The following TAFA2 variants were observed in gnomAD, a reference collection of about 807,000 sequenced individuals.
TAFA2 encodes the protein chemokine-like protein TAFA-2.
A neutral mutation model predicts 18.8 loss-of-function variants in TAFA2; 7 were observed. The ratio of observed to expected loss-of-function variants is 0.37; its 90% confidence interval spans 0.21 to 0.70. The LOEUF (loss-of-function observed/expected upper bound fraction) is 0.70, where lower values mean the gene tolerates loss of function less well. Among genes scored for constraint, TAFA2 ranks in the 30% least tolerant of loss-of-function variants. TAFA2 has a pLI of 0.53. For synonymous variants in TAFA2, 60 were observed against 54.2 expected, an observed-to-expected ratio of 1.11 and a Z score of -0.47; for missense variants, 122 against 158.1, an observed-to-expected ratio of 0.77 and a Z score of 1.23.
rs373276899 is a variant in TAFA2 at position 61,710,461 on chromosome 12, C to T, written c.385-44G>A. The T allele has an allele frequency of 3.7e-5, 56 of 1,506,186 alleles. No homozygotes were observed. The Admixed American group carries it at 4.6e-4, about 12-fold the overall frequency. The allele number at this position is 1,506,186 out of a possible 1,614,324, so 93.3% of individuals were successfully genotyped here. ...ATATAGTCAACATTTCATAACATAC[C>T]GATAATCTTAAAACTAAACACAATT... On this transcript the variant is annotated intron_variant, in intron 4 of 4. Coordinates refer to ENST00000416284, the MANE Select transcript of TAFA2 (RefSeq NM_178539.5).
intron 2 of TAFA2, among the ~76,000 whole-genome samples, chr12:61,859,483 G>A (rs535468127): frequency 1.3e-5 from 2 of 148,356 alleles, no homozygotes; most frequent in Admixed American, 6.8e-5. Context: ...TCGCTCTGTC[G>A]CCCAGGCTGG....
At chr12:62,080,342 T>C (rs1401747615) in intron 1 of TAFA2, among the ~76,000 whole-genome samples, 1 of 152,222 alleles carries the variant, frequency 6.6e-6, no homozygotes, top group Non-Finnish European at 1.5e-5. Context: ...AAGTCCCTTT[T>C]ATTCACAGTT....
At chr12:61,763,909 T>C (rs1451582896) in intron 2 of TAFA2, among the ~76,000 whole-genome samples, 1 of 152,146 alleles carries the variant, frequency 6.6e-6, no homozygotes, top group East Asian at 2.0e-4. Flanking sequence ...TATGTTTCAA[T>C]TGGCCCCCTT....
intron 1 of TAFA2, among the ~76,000 whole-genome samples, chr12:62,146,890 T>A (rs2062285383): frequency 6.6e-6 from 1 of 152,086 alleles, no homozygotes. Flanking sequence ...GAGACTAAGA[T>A]CCTAGAGAGT....
At chr12:61,941,767 C>T (rs557466770) in intron 1 of TAFA2, among the ~76,000 whole-genome samples, 51 of 152,098 alleles carry the variant, frequency 3.4e-4, no homozygotes, top group African/African-American at 9.9e-4. Flanking sequence ...CGGCACACCA[C>T]GAGACTATAT....
chr12:61,969,761 A>G (rs754052990), intron 1 of TAFA2, among the ~76,000 whole-genome samples: 1 of 151,728 alleles, frequency 6.6e-6, no homozygotes, highest in Non-Finnish European at 1.5e-5. Context: ...GGATCATAGA[A>G]CTCAATACAC....
chr12:61,919,569 C>T (rs1393824715), intron 1 of TAFA2, among the ~76,000 whole-genome samples: 1 of 152,172 alleles, frequency 6.6e-6, no homozygotes, highest in Non-Finnish European at 1.5e-5. Flanking sequence ...ATCTATCTAG[C>T]TGATCCAAGG....
chr12:62,143,519 C>G (rs1381639135), intron 1 of TAFA2, among the ~76,000 whole-genome samples: 2 of 152,104 alleles, frequency 1.3e-5, no homozygotes, highest in Non-Finnish European at 2.9e-5. Flanking sequence ...TAAAACCTGT[C>G]CAGGGTAACA....
chr12:61,960,892 A>G (rs1878861819), intron 1 of TAFA2, among the ~76,000 whole-genome samples: 1 of 151,694 alleles, frequency 6.6e-6, no homozygotes, highest in African/African-American at 2.4e-5. Flanking sequence ...TAGAACTTTT[A>G]TTTTCTTGCT....
At chr12:61,735,261 A>G (rs926628526) in intron 4 of TAFA2, among the ~76,000 whole-genome samples, 1 of 151,944 alleles carries the variant, frequency 6.6e-6, no homozygotes, top group East Asian at 1.9e-4. Context: ...CTTTCCCATT[A>G]TTGTCTTATT....
At chr12:61,775,718 T>C (rs1045051195) in intron 2 of TAFA2, among the ~76,000 whole-genome samples, 1 of 151,882 alleles carries the variant, frequency 6.6e-6, no homozygotes, top group Non-Finnish European at 1.5e-5. Context: ...TACATGTCAT[T>C]GTACATTTGC....
intron 2 of TAFA2, among the ~76,000 whole-genome samples, chr12:61,777,490 A>G (rs1455398003): frequency 6.6e-6 from 1 of 151,836 alleles, no homozygotes; most frequent in Admixed American, 6.6e-5. Flanking sequence ...GATAATAGGT[A>G]CAACAGATGT....
chr12:61,924,770 C>T (rs1369908463), intron 1 of TAFA2, among the ~76,000 whole-genome samples: 1 of 152,110 alleles, frequency 6.6e-6, no homozygotes, highest in Non-Finnish European at 1.5e-5. Context: ...GGGCTAAATG[C>T]CCTAGTTAAA....
chr12:61,789,419 T>C (rs555186123), intron 2 of TAFA2, among the ~76,000 whole-genome samples: 1 of 152,024 alleles, frequency 6.6e-6, no homozygotes, highest in East Asian at 1.9e-4. Flanking sequence ...CCATTGCTTG[T>C]TTTTGTCAAA....
intron 1 of TAFA2, chr12:61,878,062 G>A (rs887704310): frequency 2.2e-6 from 1 of 455,020 alleles, no homozygotes; most frequent in Non-Finnish European, 4.4e-6. Context: ...TACAAATACT[G>A]TGTGGTCCTA....
Position 61,755,123 on chromosome 12 carries a change from G to A in TAFA2, c.107-99C>T, listed in dbSNP as rs529422845. 3 of 1,090,184 alleles carry A rather than the reference G, an allele frequency of 2.8e-6. No individual in the cohort carries two copies. In the South Asian group the frequency reaches 4.8e-5, roughly 18 times the overall value. 67.5% of individuals were successfully genotyped at this position (1,090,184 alleles called of 1,614,324 possible). A position where few individuals can be genotyped will look rare whatever the true frequency, so the allele number is the denominator to read the frequency against. On this transcript the variant is annotated intron_variant, in intron 2 of 4. Coordinates refer to ENST00000416284, the MANE Select transcript of TAFA2 (RefSeq NM_178539.5). ...CAGTACATTAAATATAGCTCTATAA[G>A]GGGTCCACCAGGCATGAAACGAGAA...
At chr12:62,163,762 T>C (rs2062421269) in intron 1 of TAFA2, among the ~76,000 whole-genome samples, 3 of 152,132 alleles carry the variant, frequency 2.0e-5, no homozygotes, top group South Asian at 4.1e-4. Context: ...TTCAAACTAA[T>C]GTAAATCCCT....
intron 1 of TAFA2, among the ~76,000 whole-genome samples, chr12:61,925,091 C>A (rs1877228768): frequency 6.6e-6 from 1 of 152,078 alleles, no homozygotes; most frequent in Admixed American, 6.5e-5. Context: ...AAAAAGCAAC[C>A]TTTAGACACC....
chr12:62,245,707 T>C (rs532908567), intron 1 of TAFA2, among the ~76,000 whole-genome samples: 1 of 146,476 alleles, frequency 6.8e-6, no homozygotes, highest in Admixed American at 6.8e-5. Flanking sequence ...TTTATATATT[T>C]ATATATTTTA....
Sources: gnomAD v4.1 joint callset for allele counts (sites outside exome capture counted in the v4.1 genomes callset) on GRCh38, gnomAD v4.1.1 for gene constraint, MANE v1.5 for transcripts, NCBI Gene and HGNC (gene_info 2026-07-23, HGNC 2026-07-21) for gene names.